The following DPP4 variants were observed in gnomAD, a reference collection of about 807,000 sequenced individuals.
The protein encoded by DPP4 is dipeptidyl peptidase 4, also known as ADCP-2.
In DPP4, 93 loss-of-function variants were observed where a neutral mutation model predicts 122.4. The ratio of observed to expected loss-of-function variants is 0.76; its 90% CI spans 0.64 to 0.90. The LOEUF (loss-of-function observed/expected upper bound fraction) is 0.90, where lower values mean the gene tolerates loss of function less well. Among genes scored for constraint, DPP4 ranks in the 40% least tolerant of loss-of-function variants. DPP4 has a pLI of 0.00. For synonymous variants in DPP4, 321 were observed against 302.9 expected (o/e 1.06, Z -0.62); for missense variants, 914 against 907.3 (o/e 1.01, Z -0.09).
At chr2:162,023,255 T>C (rs980966676) in intron 11 of DPP4, among the ~76,000 whole-genome samples, 3 of 152,174 alleles carry the variant, frequency 2.0e-5, no homozygotes, top group Non-Finnish European at 4.4e-5. Context: ...GTTCATGTCC[T>C]CAGCAGGTTG....
intron 22 of DPP4, among the ~76,000 whole-genome samples, chr2:162,007,974 C>T (rs549417423): frequency 6.6e-6 from 1 of 152,118 alleles, no homozygotes. Flanking sequence ...ACTTCTGAAT[C>T]CCCCCTCCTC....
intron 16 of DPP4, among the ~76,000 whole-genome samples, chr2:162,018,322 G>C (rs1227154907): frequency 6.6e-6 from 1 of 152,082 alleles, no homozygotes; most frequent in Non-Finnish European, 1.5e-5. Flanking sequence ...TCCTTGCCTG[G>C]GTTTCTTCAT....
intron 10 of DPP4, among the ~76,000 whole-genome samples, chr2:162,030,112 G>A (rs1320012371): frequency 6.6e-6 from 1 of 152,220 alleles, no homozygotes; most frequent in Non-Finnish European, 1.5e-5. Context: ...AACAATGAAT[G>A]TACTGCTCTA....
chr2:162,026,442 T>C (rs1683332626), intron 10 of DPP4, among the ~76,000 whole-genome samples: 2 of 152,206 alleles, frequency 1.3e-5, no homozygotes, highest in Non-Finnish European at 2.9e-5. Context: ...TACTACCTAG[T>C]CTGGGTGGCT....
intron 2 of DPP4, among the ~76,000 whole-genome samples, chr2:162,072,026 CCA>C (rs1032797693): frequency 1.3e-5 from 2 of 151,962 alleles, no homozygotes; most frequent in African/African-American, 4.8e-5. Flanking sequence ...ATGTGTGTAT[CCA>C]CACACACACA....
intron 2 of DPP4, among the ~76,000 whole-genome samples, chr2:162,073,030 GCCTTTTTT>G (rs1389981275): frequency 6.6e-6 from 1 of 151,696 alleles, no homozygotes; most frequent in Non-Finnish European, 1.5e-5. Flanking sequence ...TTTAAACACT[GCCTTTTTT>G]CCTTTTTCGA....
chr2:162,070,971 G>A (rs964718009), intron 2 of DPP4, among the ~76,000 whole-genome samples: 7 of 152,076 alleles, frequency 4.6e-5, no homozygotes, highest in Admixed American at 6.5e-5. Context: ...CTGTTTAACC[G>A]GTTACCGAAG....
At chr2:162,007,360 C>G (rs942162317) in intron 22 of DPP4, among the ~76,000 whole-genome samples, 5 of 151,896 alleles carry the variant, frequency 3.3e-5, no homozygotes, top group African/African-American at 4.8e-5. Context: ...TTATGCTAAC[C>G]AGATTTACAT....
At chr2:162,035,139 C>T in intron 9 of DPP4, 25 bp downstream of exon 9, 1 of 1,590,826 alleles carries the variant, frequency 6.3e-7, no homozygotes, top group Non-Finnish European at 8.5e-7. Flanking sequence ...AATCATGGAA[C>T]CACTGTACAA....
At position 162,009,314 on chromosome 2, in the gene DPP4, GT is replaced by G; in HGVS notation, c.1833-20del. On this transcript the variant is annotated intron_variant, in intron 20 of 25. Transcript: ENST00000360534. ...AAATTGTCTAAAACACAAGGAAAAAGTCCACAGATCAGTACTGCATTGTGTA... is the reference window on the plus strand; with the variant it reads ...AAATTGTCTAAAACACAAGGAAAAAGCCACAGATCAGTACTGCATTGTGTA... The G allele has an allele frequency of 6.2e-7, 1 of 1,612,392 alleles. No individual in the cohort carries two copies. The highest frequency in any genetic ancestry group is 8.5e-7 in the Non-Finnish European group (1 of 1,178,594).
chr2:162,037,672 A>T (rs1447319552), intron 8 of DPP4, among the ~76,000 whole-genome samples: 4 of 152,142 alleles, frequency 2.6e-5, no homozygotes, highest in Non-Finnish European at 5.9e-5. Flanking sequence ...TGTTTTTCTA[A>T]TATTTTCTAA....
At chr2:162,065,506 AT>A (rs1684918250) in intron 2 of DPP4, among the ~76,000 whole-genome samples, 1 of 152,210 alleles carries the variant, frequency 6.6e-6, no homozygotes, top group African/African-American at 2.4e-5. Context: ...AAAGATGCTA[AT>A]GACAATACAG....
chr2:162,073,171 A>G (rs1685176740), intron 2 of DPP4: 1 of 433,138 alleles, frequency 2.3e-6, no homozygotes, highest in East Asian at 3.1e-5. Flanking sequence ...TTTATTATAC[A>G]TAACAAGACG....
In DPP4 at chr2:162,038,389, T is replaced by C; in HGVS notation, c.526A>G (p.Ile176Val). Residue 176 changes from isoleucine to valine, a missense_variant, in exon 8 of 26, where the codon ATT becomes GTT. Coordinates refer to ENST00000360534, the MANE Select transcript of DPP4 (RefSeq NM_001935.4). ...YVWNNDIYVKIEPNLPSYRIT... is the reference protein window; with the variant it reads ...YVWNNDIYVKVEPNLPSYRIT... ...CTGTAACTTGGTAAATTTGGTTCAA[T>C]TTTAACATAAATGTCATTGTTCCAA... The C allele has an allele frequency of 6.2e-7, 1 of 1,609,216 alleles. No individual in the cohort carries two copies. Among genetic ancestry groups the C allele is most frequent in the South Asian group, 1.1e-5 (1 of 90,286 alleles).
intron 2 of DPP4, chr2:162,073,143 A>G: frequency 2.9e-6 from 1 of 349,024 alleles, no homozygotes; most frequent in East Asian, 4.3e-5. Context: ...GACTCTCCCT[A>G]ATTTCAGGAA....
intron 19 of DPP4, among the ~76,000 whole-genome samples, chr2:162,013,187 G>C (rs913937780): frequency 1.0e-4 from 15 of 150,256 alleles, no homozygotes; most frequent in African/African-American, 3.7e-4. Flanking sequence ...GAAAATAACT[G>C]AACAGAAATA....
intron 2 of DPP4, among the ~76,000 whole-genome samples, chr2:162,048,984 C>T (rs533748013): frequency 5.9e-5 from 9 of 152,292 alleles, no homozygotes; most frequent in African/African-American, 2.2e-4. Context: ...ATCAAGCCAA[C>T]GTGATTCCTC....
chr2:162,052,673 G>A (rs189277875), intron 2 of DPP4, among the ~76,000 whole-genome samples: 2 of 152,200 alleles, frequency 1.3e-5, no homozygotes, highest in East Asian at 3.9e-4. Context: ...GGTGATGCTG[G>A]AATAGTTTTG....
Position 162,011,804 on chromosome 2 carries a change from A to T in DPP4, c.1821T>A (p.Ile607=), listed in dbSNP as rs749517269. The T allele has an allele frequency of 3.1e-6, 5 of 1,613,410 alleles. No individual in the cohort carries two copies. Among genetic ancestry groups the T allele is most frequent in the Non-Finnish European group, 4.2e-6 (5 of 1,179,560 alleles). The change falls in exon 20 of 26, where the codon ATT becomes ATA. Residue 607 remains isoleucine, a synonymous_variant. Transcript: ENST00000360534. ...RLGTFEVEDQ[I]EAARQFSKMG... is the part of the protein sequence containing the mutation. ...TCCTAGTCACTCACCTGGCTGCTTCAATTTGATCTTCAACTTCAAATGTTC... is the reference window on the plus strand; with the variant it reads ...TCCTAGTCACTCACCTGGCTGCTTCTATTTGATCTTCAACTTCAAATGTTC...
Sources: gnomAD v4.1 joint callset for allele counts (sites outside exome capture counted in the v4.1 genomes callset) on GRCh38, gnomAD v4.1.1 for gene constraint, MANE v1.5 for transcripts, NCBI Gene and HGNC (gene_info 2026-07-23, HGNC 2026-07-21) for gene names.